The following ZNF180 variants were observed in gnomAD, a reference collection of about 807,000 sequenced individuals.
The protein encoded by ZNF180 is zinc finger protein 180 (HHZ168).
ZNF180 carries 11 observed loss-of-function variants against 11.8 expected under a neutral mutation model. The ratio of observed to expected loss-of-function variants is 0.93; its 90% CI spans 0.59 to 1.55. ZNF180 has a LOEUF of 1.55. Among genes scored for constraint, ZNF180 ranks in the 40% most tolerant of loss-of-function variants. The probability of loss-of-function intolerance (pLI) is 0.00; values close to 1 mark genes in which losing one functional copy is unlikely to be tolerated. For synonymous variants in ZNF180, 287 were observed against 257.7 expected, an observed-to-expected ratio of 1.11 and a Z score of -1.09; for missense variants, 773 against 781.7, an observed-to-expected ratio of 0.99 and a Z score of 0.13.
At chr19:44,491,368 G>A (rs1007685763) in intron 2 of ZNF180, among the ~76,000 whole-genome samples, 2 of 152,196 alleles carry the variant, frequency 1.3e-5, no homozygotes, top group African/African-American at 4.8e-5. Flanking sequence ...GTGAGCCCGT[G>A]CATGCATGCA....
chr19:44,493,007 C>T (rs1282703513), intron 2 of ZNF180, among the ~76,000 whole-genome samples: 2 of 152,202 alleles, frequency 1.3e-5, no homozygotes, highest in African/African-American at 4.8e-5. Flanking sequence ...TCACAAACTA[C>T]AGCACTGGAA....
chr19:44,498,694 T>A lies in ZNF180; in HGVS notation c.-43-1317A>T, dbSNP rs1970654375. Among the ~76,000 whole-genome samples, 4 of 151,990 alleles carry A rather than the reference T, an allele frequency of 2.6e-5. No individual in the cohort carries two copies. The South Asian group carries it at 8.3e-4, about 32-fold the overall frequency. On this transcript the variant is annotated intron_variant, in intron 1 of 4. Transcript: ENST00000592529. ...GGGGTGCCTGACACAGTCCCGCCCC[T>A]CTGCAGCTGCTCCCCCCCACACACC...
chr19:44,480,605 G>T (rs528982772), intron 3 of ZNF180, among the ~76,000 whole-genome samples: 5 of 152,304 alleles, frequency 3.3e-5, no homozygotes, highest in Admixed American at 2.0e-4. Context: ...TTGGATTTCA[G>T]ATTTTGAAAT....
At chr19:44,484,846 G>A (rs1970182051) in intron 2 of ZNF180, 1 of 175,650 alleles carries the variant, frequency 5.7e-6, no homozygotes, top group Non-Finnish European at 1.2e-5. Flanking sequence ...TAAAGAAAAA[G>A]ATCAACAAAT....
intron 2 of ZNF180, among the ~76,000 whole-genome samples, chr19:44,490,160 G>A (rs1239780937): frequency 1.2e-5 from 1 of 83,780 alleles, no homozygotes; most frequent in Admixed American, 1.4e-4. Flanking sequence ...AAAGGAAATA[G>A]GAGAAGGGAG....
rs905840469 is a variant in ZNF180, at chr19:44,474,894, C to A, written c.*1508G>T. On this transcript the variant is annotated 3_prime_UTR_variant, in exon 5 of 5. Coordinates refer to ENST00000592529, the MANE Select transcript of ZNF180 (RefSeq NM_001278509.3). Reference sequence around the variant, plus strand: ...AAACATCAGCAACTGTTTTCCCAGACCTGACACTGCCAGGTGTGCAACAAT... The same window carrying A: ...AAACATCAGCAACTGTTTTCCCAGAACTGACACTGCCAGGTGTGCAACAAT... The A allele has an allele frequency of 1.3e-5, 2 of 152,188 alleles. No individual in the cohort carries two copies. The highest frequency in any genetic ancestry group is 6.5e-5 in the Admixed American group (1 of 15,284). The allele number at this position is 152,188 out of a possible 1,614,324, so 9.4% of individuals were successfully genotyped here. A position where few individuals can be genotyped will look rare whatever the true frequency, so the allele number is the denominator to read the frequency against.
Position 44,484,282 on chromosome 19 carries a change from G to A in ZNF180, c.126+79C>T, listed in dbSNP as rs149993762. The A allele has an allele frequency of 2.5e-4, 297 of 1,207,508 alleles. 1 individual carries two copies. The African/African-American group carries it at 3.2e-3, about 13-fold the overall frequency. 74.8% of individuals were successfully genotyped at this position (1,207,508 alleles called of 1,614,324 possible). On this transcript the variant is annotated intron_variant, in intron 3 of 4. Transcript: ENST00000592529. ...CAAAGTGCTGGCAGCCACCGCGCCC[G>A]GCCTATTTCCTCACTTTCTACTCAC...
intron 3 of ZNF180, among the ~76,000 whole-genome samples, chr19:44,483,995 C>CTTT (rs66671115): frequency 7.3e-6 from 1 of 136,874 alleles, no homozygotes; most frequent in African/African-American, 2.9e-5. Context: ...TTCTTTCTTT[C>CTTT]TTTTTTTTTT....
chr19:44,479,297 TC>T lies in ZNF180; in HGVS notation c.238del (p.Asp80ThrfsTer2), dbSNP rs779519680. On this transcript the variant is annotated frameshift_variant, in exon 4 of 5. Transcript: ENST00000592529. LOFTEE classifies it low-confidence loss of function (END_TRUNC). ...TGTATTCTTACCCCAAGAGACTAGG[TC>T]CCTGTGGTTCTCCAGGATCACATCT... The part of the protein sequence containing the change: ...DRDVILENHR[D>X]LVSWDLATAV... The T allele has an allele frequency of 2.5e-6, 4 of 1,613,916 alleles. No homozygotes were observed. The East Asian group carries it at 8.9e-5, about 36-fold the overall frequency.
rs755526046 is a variant in ZNF180 at position 44,477,985 on chromosome 19, G to A, written c.415C>T (p.Gln139Ter). Residue 139 changes from glutamine (Q) to a stop codon, truncating the protein, a stop_gained, in exon 5 of 5, where the codon CAG becomes TAG. Coordinates refer to ENST00000592529, the MANE Select transcript of ZNF180 (RefSeq NM_001278509.3). LOFTEE classifies it low-confidence loss of function (END_TRUNC). Reference sequence around the variant, plus strand: ...TGCAAAAGTATCTCTTGTTTTTCCTGTTGCTTCTCCAACTGGTCTTTACAA... The same window carrying A: ...TGCAAAAGTATCTCTTGTTTTTCCTATTGCTTCTCCAACTGGTCTTTACAA... ...DDCKDQLEKQQEKQEILLQEV... is the reference protein window; with the variant it reads ...DDCKDQLEKQ The A allele has an allele frequency of 6.2e-7, 1 of 1,613,848 alleles. No homozygotes were observed. Among genetic ancestry groups the A allele is most frequent in the Non-Finnish European group, 8.5e-7 (1 of 1,179,974 alleles).
At chr19:44,489,280 G>A (rs1970357951) in intron 2 of ZNF180, among the ~76,000 whole-genome samples, 1 of 142,020 alleles carries the variant, frequency 7.0e-6, no homozygotes, top group African/African-American at 2.5e-5. Context: ...GACAATGGCG[G>A]TTTTGTGGAA....
At chr19:44,480,586 G>C (rs1970052728) in intron 3 of ZNF180, among the ~76,000 whole-genome samples, 1 of 152,168 alleles carries the variant, frequency 6.6e-6, no homozygotes, top group South Asian at 2.1e-4. Context: ...ACTTAGGACT[G>C]GAAGAATTTT....
chr19:44,487,473 C>G (rs532074195), intron 2 of ZNF180, among the ~76,000 whole-genome samples: 62 of 152,244 alleles, frequency 4.1e-4, no homozygotes, highest in African/African-American at 1.5e-3. Context: ...GTCATGTTGC[C>G]CAGACTGGTC....
chr19:44,488,284 C>T (rs1295953662), intron 2 of ZNF180, among the ~76,000 whole-genome samples: 1 of 147,104 alleles, frequency 6.8e-6, no homozygotes, highest in Non-Finnish European at 1.5e-5. Flanking sequence ...CTCCCTCTCC[C>T]TCTCTTTCCA....
In ZNF180 at chr19:44,476,340, C is replaced by T. The variant is rs2123425001; in HGVS notation, c.*62G>A. 2 of 1,455,590 alleles carry T rather than the reference C, an allele frequency of 1.4e-6. No individual in the cohort carries two copies. The highest frequency in any genetic ancestry group is 1.8e-6 in the Non-Finnish European group (2 of 1,088,588). The allele number at this position is 1,455,590 out of a possible 1,614,324, so 90.2% of individuals were successfully genotyped here. A position where few individuals can be genotyped will look rare whatever the true frequency, so the allele number is the denominator to read the frequency against. ...GTAGTTCTTCCAACTACATGTACTA[C>T]CTTAAAATAAATTTTTTAAAAGAAT... On this transcript the variant is annotated 3_prime_UTR_variant, in exon 5 of 5. Transcript: ENST00000592529.
At position 44,488,153 on chromosome 19, in the gene ZNF180, C is replaced by T. The variant is rs1282641392; in HGVS notation, c.52-3718G>A. Among the ~76,000 whole-genome samples, 3 of 114,870 alleles carry T rather than the reference C, an allele frequency of 2.6e-5. No individual in the cohort carries two copies. The East Asian group carries it at 8.6e-4, about 33-fold the overall frequency. 75.4% of individuals were successfully genotyped at this position (114,870 alleles called of 152,430 possible). A position where few individuals can be genotyped will look rare whatever the true frequency, so the allele number is the denominator to read the frequency against. On this transcript the variant is annotated intron_variant, in intron 2 of 4. Coordinates refer to ENST00000592529, the MANE Select transcript of ZNF180 (RefSeq NM_001278509.3). The stretch of plus-strand genomic sequence containing the variant: ...TTCTCTTTCCACGGTCTCCCTCTCC[C>T]TCTCTTTCCACGGTCTCCCTCTCCT...
intron 2 of ZNF180, among the ~76,000 whole-genome samples, chr19:44,488,081 TCTCC>T (rs1568431096): frequency 1.6e-5 from 1 of 62,028 alleles, no homozygotes; most frequent in East Asian, 5.9e-4. Context: ...TCCCTCTCCC[TCTCC>T]CCACGGTCTC....
intron 3 of ZNF180, among the ~76,000 whole-genome samples, chr19:44,480,109 C>T (rs1274537658): frequency 6.6e-6 from 1 of 152,052 alleles, no homozygotes; most frequent in Non-Finnish European, 1.5e-5. Flanking sequence ...GACAATCTGT[C>T]CTTTTTTTTT....
At chr19:44,496,101 C>T (rs1429739485) in intron 2 of ZNF180, among the ~76,000 whole-genome samples, 7 of 152,076 alleles carry the variant, frequency 4.6e-5, no homozygotes, top group African/African-American at 1.7e-4. Flanking sequence ...TTACTACATC[C>T]TAGACCTCCT....
Sources: allele counts gnomAD v4.1 joint callset (sites outside exome capture counted in the v4.1 genomes callset), GRCh38; gene constraint gnomAD v4.1.1; transcripts MANE v1.5; gene names NCBI Gene and HGNC (gene_info 2026-07-23, HGNC 2026-07-21).